Variants in SLC9A7 observed in about 807,000 individuals in gnomAD.
SLC9A7 encodes solute carrier family 9 member A7.
Under a neutral mutation model 52.6 loss-of-function variants are expected in SLC9A7, and 19 were observed. That is an observed-to-expected ratio of 0.36 (90% CI 0.25 to 0.53). SLC9A7 has a LOEUF of 0.53. Ranked by LOEUF, SLC9A7 falls within the 20% of genes least tolerant of loss-of-function variation. The probability of loss-of-function intolerance (pLI) is 0.91; values close to 1 mark genes in which losing one functional copy is unlikely to be tolerated. For missense variants in SLC9A7, 455 were observed against 597.9 expected (o/e 0.76, Z 2.49); for synonymous variants, 226 against 252.1 (o/e 0.90, Z 0.98).
chrX:46,738,107 G>GAAAGAA (rs1400955730), intron 1 of SLC9A7, among the ~76,000 whole-genome samples: 1 of 47,443 alleles, frequency 2.1e-5, no homozygotes, highest in Admixed American at 2.3e-4. Flanking sequence ...AAGAAAGAAA[G>GAAAGAA]AGAAAAGAAA....
chrX:46,613,258 C>T, intron 16 of SLC9A7, 31 bp downstream of exon 16: 1 of 1,056,455 alleles, frequency 9.5e-7, no homozygotes, highest in Non-Finnish European at 1.3e-6. Context: ...GCATGGTGAC[C>T]AGGACTCCAA....
intron 5 of SLC9A7, among the ~76,000 whole-genome samples, chrX:46,663,672 A>G (rs1943869257): frequency 2.0e-5 from 2 of 101,191 alleles, no homozygotes; most frequent in African/African-American, 3.6e-5. Flanking sequence ...AAGAAAGAAA[A>G]AAAAAGGGCC....
At chrX:46,634,385 G>A (rs1235209832) in intron 13 of SLC9A7, among the ~76,000 whole-genome samples, 1 of 110,755 alleles carries the variant, frequency 9.0e-6, no homozygotes, top group Admixed American at 9.6e-5. Flanking sequence ...TGTCCATTCT[G>A]ATTAACAGAT....
chrX:46,639,125 A>T (rs1290190452), intron 12 of SLC9A7, among the ~76,000 whole-genome samples: 1 of 112,068 alleles, frequency 8.9e-6, no homozygotes, highest in Non-Finnish European at 1.9e-5. Flanking sequence ...ATATCAATTG[A>T]TACAGAAAAA....
At chrX:46,698,860 G>T (rs1183892153) in intron 1 of SLC9A7, among the ~76,000 whole-genome samples, 1 of 111,761 alleles carries the variant, frequency 8.9e-6, no homozygotes. Flanking sequence ...GAGTGTGGGG[G>T]AGAGGTAGCT....
chrX:46,618,827 C>T (rs1308173237), intron 15 of SLC9A7, among the ~76,000 whole-genome samples: 10 of 109,777 alleles, frequency 9.1e-5, no homozygotes, highest in Non-Finnish European at 1.3e-4. Flanking sequence ...GCCTGTAATC[C>T]CAGCTACTCG....
chrX:46,671,227 A>G (rs1387093870), intron 4 of SLC9A7, among the ~76,000 whole-genome samples: 1 of 111,327 alleles, frequency 9.0e-6, no homozygotes, highest in Non-Finnish European at 1.9e-5. Flanking sequence ...CAATCCCTTT[A>G]GTCTCCTCAT....
chrX:46,679,577 G>C (rs1944177681), intron 3 of SLC9A7, 101 bp downstream of exon 3: 1 of 627,556 alleles, frequency 1.6e-6, no homozygotes, highest in Admixed American at 3.4e-5. Context: ...GCAGAACAAA[G>C]TAATAAGCAA....
In SLC9A7 at chrX:46,725,198, C is replaced by T. The variant is rs978741408; in HGVS notation, c.325+33507G>A. 5.4e-6 allele frequency: 5 copies of T among 928,618 alleles called. No homozygotes were observed. The African/African-American group carries it at 7.7e-5, about 14-fold the overall frequency. 76.5% of individuals were successfully genotyped at this position (928,618 alleles called of 1,213,427 possible). A position where few individuals can be genotyped will look rare whatever the true frequency, so the allele number is the denominator to read the frequency against. On this transcript the variant is annotated intron_variant, in intron 1 of 16. Transcript: ENST00000616978. ...TCTGTGGCAATCCAAATTCATCCAC[C>T]AGAACTCCATCCTTGTTTTTCGTAT...
At chrX:46,627,391 T>C (rs896751787) in intron 14 of SLC9A7, among the ~76,000 whole-genome samples, 1 of 111,774 alleles carries the variant, frequency 8.9e-6, no homozygotes, top group African/African-American at 3.3e-5. Flanking sequence ...CTTAAAACTC[T>C]CCAGAGCTAT....
At chrX:46,608,090 CCTCT>C (rs1452556461) in intron 16 of SLC9A7, among the ~76,000 whole-genome samples, 1 of 112,560 alleles carries the variant, frequency 8.9e-6, no homozygotes, top group Non-Finnish European at 1.9e-5. Context: ...GCCGAACTGG[CCTCT>C]CTGACCCCCT....
chrX:46,684,161 T>C (rs766452286), intron 1 of SLC9A7, among the ~76,000 whole-genome samples: 4 of 112,195 alleles, frequency 3.6e-5, no homozygotes, highest in African/African-American at 1.3e-4. Context: ...ACGAAACAAT[T>C]TGAAAACCTT....
In SLC9A7 at chrX:46,662,600, A is replaced by T; in HGVS notation, c.837T>A (p.Asp279Glu). The change falls in exon 6 of 17, where the codon GAT (aspartate) becomes GAA (glutamate). Residue 279 changes from aspartate to glutamate, a missense_variant. Asp to Glu is a conservative substitution (Grantham distance 45). Coordinates refer to ENST00000616978, the MANE Select transcript of SLC9A7 (RefSeq NM_001257291.2). ...TCTCTCCAAAAAGAAGTGCGTAAAG[A>T]TCCACGTCTGCATGCAATTCATTAA... ...AIFNELHADV[D>E]LYALLFGESV... is the part of the protein sequence containing the mutation. The T allele has an allele frequency of 8.3e-7, 1 of 1,210,569 alleles. No homozygotes were observed. The highest frequency in any genetic ancestry group is 1.1e-6 in the Non-Finnish European group (1 of 894,344).
intron 3 of SLC9A7, among the ~76,000 whole-genome samples, chrX:46,678,094 G>A (rs1826683899): frequency 9.0e-6 from 1 of 111,712 alleles, no homozygotes. Flanking sequence ...AGGGTCTGTA[G>A]TAAAGTCCCT....
chrX:46,627,780 G>C (rs1056637930), intron 14 of SLC9A7, among the ~76,000 whole-genome samples: 14 of 25,202 alleles, frequency 5.6e-4, no homozygotes, highest in Non-Finnish European at 8.5e-4. Flanking sequence ...GGGCGGGTTG[G>C]GGGGGGGGCG....
chrX:46,694,465 A>G (rs1944422376), intron 1 of SLC9A7, among the ~76,000 whole-genome samples: 1 of 111,935 alleles, frequency 8.9e-6, no homozygotes, highest in African/African-American at 3.2e-5. Flanking sequence ...GAAATTATGA[A>G]TGACTAATAA....
chrX:46,693,518 T>C (rs1420663651), intron 1 of SLC9A7, among the ~76,000 whole-genome samples: 2 of 110,787 alleles, frequency 1.8e-5, no homozygotes, highest in Non-Finnish European at 3.8e-5. Flanking sequence ...GCTGGGACAA[T>C]TGGATATCTA....
At chrX:46,669,050 C>T (rs1293369256) in intron 5 of SLC9A7, among the ~76,000 whole-genome samples, 1 of 108,512 alleles carries the variant, frequency 9.2e-6, no homozygotes, top group Non-Finnish European at 1.9e-5. Flanking sequence ...CGCCTGTAGT[C>T]CCAGCTACTC....
chrX:46,755,770 C>T (rs1182718221), intron 1 of SLC9A7, among the ~76,000 whole-genome samples: 1 of 105,185 alleles, frequency 9.5e-6, no homozygotes, highest in Non-Finnish European at 1.9e-5. Flanking sequence ...TGCAGTGAGC[C>T]GAGATTGCGC....
Sources: allele counts gnomAD v4.1 joint callset (sites outside exome capture counted in the v4.1 genomes callset), GRCh38; gene constraint gnomAD v4.1.1; transcripts MANE v1.5; gene names NCBI Gene and HGNC (gene_info 2026-07-23, HGNC 2026-07-21).